The following CFAP299 variants were observed in gnomAD, a reference collection of about 807,000 sequenced individuals.
The protein encoded by CFAP299 is cilia and flagella associated protein 299, also known as cilia- and flagella-associated protein 299.
Under a neutral mutation model 27.0 loss-of-function variants are expected in CFAP299, and 21 were observed. The observed-to-expected ratio is 0.78, with a 90% CI of 0.55 to 1.12. The LOEUF is 1.12. Ranked by LOEUF, CFAP299 falls within the 50% of genes most tolerant of loss-of-function variation. The probability of loss-of-function intolerance (pLI) is 0.00; values close to 1 mark genes in which losing one functional copy is unlikely to be tolerated. For synonymous variants in CFAP299, 104 were observed against 98.1 expected (o/e 1.06, Z -0.36); for missense variants, 310 against 276.6 (o/e 1.12, Z -0.86).
intron 2 of CFAP299, among the ~76,000 whole-genome samples, chr4:80,556,244 C>T (rs1393678430): frequency 4.6e-5 from 7 of 151,954 alleles, no homozygotes; most frequent in East Asian, 1.9e-4. Context: ...GAGTCCTTTT[C>T]GTGAACTCCT....
At chr4:80,419,314 G>T (rs1191254661) in intron 2 of CFAP299, among the ~76,000 whole-genome samples, 3 of 152,162 alleles carry the variant, frequency 2.0e-5, no homozygotes, top group Non-Finnish European at 4.4e-5. Flanking sequence ...TTCCCTTGGG[G>T]TGGGCTGTTC....
At position 80,684,274 on chromosome 4, in the gene CFAP299, TGGG is replaced by T. The variant is rs11305822; in HGVS notation, c.333+101100_333+101102del. On this transcript the variant is annotated intron_variant, in intron 3 of 5. Transcript: ENST00000358105. The stretch of plus-strand genomic sequence containing the variant: ...TAACTCTAAGATGACTTCTTTTTTT[TGGG>T]GGGGGGGGACGGAGCCTCACTTTGT... Among the ~76,000 whole-genome samples the T allele has an allele frequency of 9.0e-4, 133 of 148,548 alleles. 1 individual carries two copies. Among genetic ancestry groups the T allele is most frequent in the African/African-American group, 3.1e-3 (124 of 40,526 alleles).
intron 2 of CFAP299, among the ~76,000 whole-genome samples, chr4:80,510,471 A>G (rs570192428): frequency 6.6e-6 from 1 of 152,252 alleles, no homozygotes; most frequent in South Asian, 2.1e-4. Flanking sequence ...AACACCTCAT[A>G]GTCTCTCTTG....
At chr4:80,743,667 T>G (rs1026048172) in intron 3 of CFAP299, among the ~76,000 whole-genome samples, 5 of 152,132 alleles carry the variant, frequency 3.3e-5, no homozygotes, top group African/African-American at 7.2e-5. Context: ...TTGCCACATG[T>G]CAGAAGCCAT....
At chr4:80,489,492 G>T (rs948239238) in intron 2 of CFAP299, among the ~76,000 whole-genome samples, 9 of 152,132 alleles carry the variant, frequency 5.9e-5, no homozygotes, top group South Asian at 2.1e-4. Context: ...AACAACAAAT[G>T]CAAATTTAGA....
chr4:80,716,892 A>C, intron 3 of CFAP299, among the ~76,000 whole-genome samples: 1 of 152,010 alleles, frequency 6.6e-6, no homozygotes, highest in Non-Finnish European at 1.5e-5. Context: ...AGGAATTGCA[A>C]CCTACTGAAA....
In CFAP299 at chr4:80,861,589, C is replaced by T. The variant is rs369670226; in HGVS notation, c.334-8404C>T. ...ATCATCTTATTCTTAACCACTTGTT[C>T]TTCAAGCTAAAATTTTAAGTAATGA... On this transcript the variant is annotated intron_variant, in intron 3 of 5. Transcript: ENST00000358105. Among the ~76,000 whole-genome samples the T allele has an allele frequency of 3.8e-3, 578 of 152,272 alleles. 1 individual carries two copies. Among genetic ancestry groups the T allele is most frequent in the Middle Eastern group, 0.014 (4 of 294 alleles).
intron 3 of CFAP299, among the ~76,000 whole-genome samples, chr4:80,606,256 G>A (rs1737665508): frequency 1.3e-5 from 2 of 152,176 alleles, no homozygotes; most frequent in African/African-American, 4.8e-5. Context: ...CCATAGCTAG[G>A]CTGGGCGTGG....
intron 3 of CFAP299, among the ~76,000 whole-genome samples, chr4:80,712,139 C>A (rs1560712396): frequency 2.6e-5 from 4 of 152,154 alleles, no homozygotes; most frequent in African/African-American, 7.2e-5. Context: ...AGGTAAACTT[C>A]TTGAAGGCTA....
chr4:80,375,457 C>A (rs1724359121), intron 2 of CFAP299, among the ~76,000 whole-genome samples: 1 of 152,140 alleles, frequency 6.6e-6, no homozygotes, highest in Admixed American at 6.5e-5. Flanking sequence ...CTGCACATGA[C>A]TTCATTCCAG....
intron 3 of CFAP299, among the ~76,000 whole-genome samples, chr4:80,847,145 C>T (rs571856663): frequency 1.3e-5 from 2 of 152,284 alleles, no homozygotes; most frequent in Admixed American, 6.5e-5. Flanking sequence ...GTACAGATCC[C>T]AGCATCATGA....
rs10024230 is a variant in CFAP299, at chr4:80,924,499, G to C, written c.477-20311G>C. Among the ~76,000 whole-genome samples the C allele has an allele frequency of 1.5e-3, 218 of 147,248 alleles. 1 individual carries two copies. The highest frequency in any genetic ancestry group is 5.6e-3 in the Admixed American group (83 of 14,702). ...CAAACCATTGCTATAATACATAATC[G>C]TGTGACAATTCATTATGTGTGTGTG... On this transcript the variant is annotated intron_variant, in intron 4 of 5. Coordinates refer to ENST00000358105, the MANE Select transcript of CFAP299 (RefSeq NM_152770.3).
rs59499260 is a variant in CFAP299 at position 80,344,260 on chromosome 4, TA to T, written c.111+8391del. Among the ~76,000 whole-genome samples, 167 of 142,552 alleles carry T rather than the reference TA, an allele frequency of 1.2e-3. 1 individual carries two copies. The highest frequency in any genetic ancestry group is 3.4e-3 in the African/African-American group (132 of 38,798). 93.5% of individuals were successfully genotyped at this position (142,552 alleles called of 152,430 possible). A position where few individuals can be genotyped will look rare whatever the true frequency, so the allele number is the denominator to read the frequency against. ...ATAGATAGACTGCTACCTAGACTAG[TA>T]AAAAAAAAAGAGAGAGAGAGAGAAT... On this transcript the variant is annotated intron_variant, in intron 1 of 5. Coordinates refer to ENST00000358105, the MANE Select transcript of CFAP299 (RefSeq NM_152770.3).
intron 2 of CFAP299, among the ~76,000 whole-genome samples, chr4:80,378,843 TTAAG>T (rs1388462774): frequency 1.1e-4 from 17 of 151,690 alleles, no homozygotes; most frequent in Non-Finnish European, 2.1e-4. Context: ...ATCCACTTAA[TTAAG>T]TAATTAATTA....
At chr4:80,949,570 TA>T (rs138939901) in intron 5 of CFAP299, among the ~76,000 whole-genome samples, 3,360 of 135,288 alleles carry the variant, frequency 0.025, 62 homozygotes, top group Non-Finnish European at 0.034. Context: ...AGCAGGATCA[TA>T]AAAAAAAAAC....
chr4:80,636,871 A>G (rs905273755), intron 3 of CFAP299, among the ~76,000 whole-genome samples: 1 of 152,210 alleles, frequency 6.6e-6, no homozygotes, highest in African/African-American at 2.4e-5. Context: ...CCTTGTAGAG[A>G]AAGTTTGTCC....
chr4:80,369,604 C>A (rs1724031914), intron 2 of CFAP299, among the ~76,000 whole-genome samples: 1 of 152,168 alleles, frequency 6.6e-6, no homozygotes, highest in Admixed American at 6.5e-5. Flanking sequence ...TATCCCCATT[C>A]TATAACTGCA....
chr4:80,648,218 C>A (rs1013309106), intron 3 of CFAP299, among the ~76,000 whole-genome samples: 4 of 151,950 alleles, frequency 2.6e-5, no homozygotes, highest in East Asian at 1.9e-4. Context: ...TTAAAAAGTA[C>A]CTTTAGGTTC....
chr4:80,642,169 T>C (rs965061742), intron 3 of CFAP299, among the ~76,000 whole-genome samples: 1 of 152,172 alleles, frequency 6.6e-6, no homozygotes, highest in Non-Finnish European at 1.5e-5. Flanking sequence ...TTCAGGGAGA[T>C]TAATCTGTTA....
Sources: gnomAD v4.1 joint callset for allele counts (sites outside exome capture counted in the v4.1 genomes callset) on GRCh38, gnomAD v4.1.1 for gene constraint, MANE v1.5 for transcripts, NCBI Gene and HGNC (gene_info 2026-07-23, HGNC 2026-07-21) for gene names.